Variants in AGAP1 observed in about 807,000 individuals in gnomAD.
AGAP1 encodes the protein arf-GAP with GTPase, ANK repeat and PH domain-containing protein 1.
AGAP1 carries 29 observed loss-of-function variants against 105.3 expected under a neutral mutation model. That is an observed-to-expected ratio of 0.28 (90% CI 0.21 to 0.38). The LOEUF (loss-of-function observed/expected upper bound fraction) is 0.38, where lower values mean the gene tolerates loss of function less well. AGAP1 is among the 10% of genes least tolerant of loss of function. AGAP1 has a pLI of 1.00. For missense variants in AGAP1, 998 were observed against 1,165.1 expected, an observed-to-expected ratio of 0.86 and a Z score of 2.09; for synonymous variants, 509 against 485.9, an observed-to-expected ratio of 1.05 and a Z score of -0.63.
At position 235,864,091 on chromosome 2, in the gene AGAP1, G is replaced by A. The variant is rs535544571; in HGVS notation, c.1051-19254G>A. ...ATAGATCTGACTTGAATGCGCAAGC[G>A]GGCCGTTCCCACGTGATTTAATAAA... is the stretch of plus-strand genomic sequence containing the variant. On this transcript the variant is annotated intron_variant, in intron 9 of 17. Coordinates refer to ENST00000304032, the MANE Select transcript of AGAP1 (RefSeq NM_001037131.3). This position sits in a 1 kb window ranked among gnomAD's most constrained non-coding sequence, Gnocchi z 5.0. Among the ~76,000 whole-genome samples, 25 of 152,300 alleles carry A rather than the reference G, an allele frequency of 1.6e-4. No individual in the cohort carries two copies. The highest frequency in any genetic ancestry group is 3.6e-4 in the African/African-American group (15 of 41,566).
Position 235,613,008 on chromosome 2 carries a change from A to C in AGAP1, c.164-96171A>C, listed in dbSNP as rs142951901. On this transcript the variant is annotated intron_variant, in intron 1 of 17. Coordinates refer to ENST00000304032, the MANE Select transcript of AGAP1 (RefSeq NM_001037131.3). ...AATACGTATAGATTGTAACAAGAGA[A>C]TTTTGCATTTCAGTTTTGTTTTTTT... Among the ~76,000 whole-genome samples the C allele has an allele frequency of 2.3e-3, 340 of 149,810 alleles. 1 individual carries two copies. Among genetic ancestry groups the C allele is most frequent in the South Asian group, 4.2e-3 (20 of 4,722 alleles).
At chr2:235,563,729 G>A (rs1944245718) in intron 1 of AGAP1, among the ~76,000 whole-genome samples, 1 of 152,174 alleles carries the variant, frequency 6.6e-6, no homozygotes, top group Non-Finnish European at 1.5e-5. Context: ...TTGGGAAGGG[G>A]CCTCTGCATG....
Position 235,880,276 on chromosome 2 carries a change from G to A in AGAP1, c.1051-3069G>A, listed in dbSNP as rs569410639. On this transcript the variant is annotated intron_variant, in intron 9 of 17. Coordinates refer to ENST00000304032, the MANE Select transcript of AGAP1 (RefSeq NM_001037131.3). ...TTCCTCACGAAAGTACCTCCCACACGCCAGCCAGAAGAGTGGTGCAAATCC... is the reference window on the plus strand; with the variant it reads ...TTCCTCACGAAAGTACCTCCCACACACCAGCCAGAAGAGTGGTGCAAATCC... 2.0e-4 allele frequency among the ~76,000 whole-genome samples: 31 copies of A among 152,108 alleles called. 1 individual carries two copies. The South Asian group carries it at 3.3e-3, about 16-fold the overall frequency.
At chr2:235,731,916 C>T (rs1425812002) in intron 3 of AGAP1, among the ~76,000 whole-genome samples, 1 of 152,156 alleles carries the variant, frequency 6.6e-6, no homozygotes, top group Non-Finnish European at 1.5e-5. Context: ...GCCAACAACA[C>T]CCCATCACTT....
chr2:235,744,564 C>A lies in AGAP1; in HGVS notation c.397-134C>A. On this transcript the variant is annotated intron_variant, in intron 4 of 17. Coordinates refer to ENST00000304032, the MANE Select transcript of AGAP1 (RefSeq NM_001037131.3). This position sits in a 1 kb window ranked among gnomAD's most constrained non-coding sequence, Gnocchi z 5.2. ...CGTGACAGTGTGTAAAAGTGACAGT[C>A]AAAAGTCAAGCACCCAGTGTGTGAC... The A allele has an allele frequency of 9.2e-7, 1 of 1,088,564 alleles. No homozygotes were observed. Among genetic ancestry groups the A allele is most frequent in the South Asian group, 1.5e-5 (1 of 68,142 alleles). The allele number at this position is 1,088,564 out of a possible 1,614,324, so 67.4% of individuals were successfully genotyped here. A position where few individuals can be genotyped will look rare whatever the true frequency, so the allele number is the denominator to read the frequency against.
intron 1 of AGAP1, among the ~76,000 whole-genome samples, chr2:235,607,109 T>C (rs1385927991): frequency 6.6e-6 from 1 of 152,190 alleles, no homozygotes; most frequent in Non-Finnish European, 1.5e-5. Flanking sequence ...CAGGGTCAGC[T>C]GGGTAAGGGA....
chr2:236,029,359 TCCG>T (rs2057154394), intron 13 of AGAP1, among the ~76,000 whole-genome samples: 1 of 151,686 alleles, frequency 6.6e-6, no homozygotes. Flanking sequence ...CACTGCAACC[TCCG>T]CCTCCCAGGT....
Position 235,875,850 on chromosome 2 carries a change from G to A in AGAP1, c.1051-7495G>A, listed in dbSNP as rs557775522. Among the ~76,000 whole-genome samples the A allele has an allele frequency of 6.6e-6, 1 of 152,268 alleles. No homozygotes were observed. Among genetic ancestry groups the A allele is most frequent in the Admixed American group, 6.5e-5 (1 of 15,304 alleles). On this transcript the variant is annotated intron_variant, in intron 9 of 17. Transcript: ENST00000304032. This position sits in a 1 kb window ranked among gnomAD's most constrained non-coding sequence, Gnocchi z 4.0. ...TCCAAAATACATTATAATTGCACTA[G>A]GGACTTCTAAATTTTTATTCAATGG...
rs1265276421 is a variant in AGAP1 at position 235,830,092 on chromosome 2, G to A, written c.1050+22761G>A. ...GCTTTGGCGGCTGGCTGATGGAGTC[G>A]TTCTCATTTGTGAAGACACTGTCCA... On this transcript the variant is annotated intron_variant, in intron 9 of 17. Coordinates refer to ENST00000304032, the MANE Select transcript of AGAP1 (RefSeq NM_001037131.3). This position sits in a 1 kb window ranked among gnomAD's most constrained non-coding sequence, Gnocchi z 5.5. 2.6e-5 allele frequency among the ~76,000 whole-genome samples: 4 copies of A among 152,148 alleles called. No individual in the cohort carries two copies. The highest frequency in any genetic ancestry group is 4.4e-5 in the Non-Finnish European group (3 of 68,012).
intron 5 of AGAP1, among the ~76,000 whole-genome samples, chr2:235,748,442 C>G (rs1953148841): frequency 2.0e-5 from 3 of 152,070 alleles, no homozygotes; most frequent in Non-Finnish European, 4.4e-5. Context: ...ACTTTCTTTT[C>G]TTAAATGTTG....
Position 235,911,180 on chromosome 2 carries a change from T to C in AGAP1, c.1324+2274T>C, listed in dbSNP as rs78834223. Among the ~76,000 whole-genome samples, 34 of 152,338 alleles carry C rather than the reference T, an allele frequency of 2.2e-4. No individual in the cohort carries two copies. The East Asian group carries it at 6.4e-3, about 29-fold the overall frequency. ...GGTGTTTTGAATTATGTATACATTG[T>C]GGAATGGCTAAATCATGCCATTTGT... is the stretch of plus-strand genomic sequence containing the variant. On this transcript the variant is annotated intron_variant, in intron 11 of 17. Transcript: ENST00000304032.
chr2:235,852,322 T>C (rs1451168532), intron 9 of AGAP1, among the ~76,000 whole-genome samples: 6 of 152,182 alleles, frequency 3.9e-5, no homozygotes, highest in African/African-American at 1.4e-4. Flanking sequence ...TGTCTGCGTC[T>C]GCGTTTGCTT....
chr2:235,926,428 C>T (rs905496438), intron 11 of AGAP1, among the ~76,000 whole-genome samples: 13 of 152,136 alleles, frequency 8.5e-5, no homozygotes, highest in Non-Finnish European at 1.2e-4. Flanking sequence ...TCCACAGTGT[C>T]GTGGCTCAGG....
rs1048125878 is a variant in AGAP1, at chr2:235,993,664, C to A, written c.1645+25041C>A. Among the ~76,000 whole-genome samples the A allele has an allele frequency of 6.6e-6, 1 of 152,170 alleles. No homozygotes were observed. The highest frequency in any genetic ancestry group is 1.5e-5 in the Non-Finnish European group (1 of 68,032). ...GCCTGTGTCCCTGTTGGAGTTTTTG[C>A]TGCCCAATACCAAATTAAGGGCTCT... On this transcript the variant is annotated intron_variant, in intron 13 of 17. Transcript: ENST00000304032. The surrounding 1 kb of genome is among the most constrained non-coding windows in gnomAD (Gnocchi z 5.0).
intron 1 of AGAP1, among the ~76,000 whole-genome samples, chr2:235,554,453 A>G (rs1261749626): frequency 6.6e-6 from 1 of 152,208 alleles, no homozygotes; most frequent in Non-Finnish European, 1.5e-5. Context: ...ACGCCAGGCC[A>G]TGCTGCTGTG....
chr2:236,077,934 G>C (rs1028349144), intron 16 of AGAP1, among the ~76,000 whole-genome samples: 5 of 152,018 alleles, frequency 3.3e-5, no homozygotes, highest in African/African-American at 1.2e-4. Context: ...GTCTCCCCTG[G>C]GTCACTGCCA....
At position 235,905,527 on chromosome 2, in the gene AGAP1, T is replaced by G. The variant is rs1190871104; in HGVS notation, c.1156-3211T>G. On this transcript the variant is annotated intron_variant, in intron 10 of 17. Transcript: ENST00000304032. This position sits in a 1 kb window ranked among gnomAD's most constrained non-coding sequence, Gnocchi z 4.2. ...TTTTCTTTTCTTTTTGAGACAGAGT[T>G]TCCCTCTTGTCGCTTAGGCTGGAGT... Among the ~76,000 whole-genome samples, 1 of 152,190 alleles carries G rather than the reference T, an allele frequency of 6.6e-6. No individual in the cohort carries two copies. Among genetic ancestry groups the G allele is most frequent in the Non-Finnish European group, 1.5e-5 (1 of 68,036 alleles).
chr2:235,738,551 CT>C (rs1952384459), intron 3 of AGAP1, among the ~76,000 whole-genome samples: 1 of 151,040 alleles, frequency 6.6e-6, no homozygotes, highest in African/African-American at 2.4e-5. Context: ...ATTTTTCTTT[CT>C]TTCTTTCTTT....
chr2:235,753,312 G>A lies in AGAP1; in HGVS notation c.673+2824G>A, dbSNP rs750072422. On this transcript the variant is annotated intron_variant, in intron 6 of 17. Coordinates refer to ENST00000304032, the MANE Select transcript of AGAP1 (RefSeq NM_001037131.3). The surrounding 1 kb of genome is among the most constrained non-coding windows in gnomAD (Gnocchi z 4.5). ...TTCCGTTACTGTGACAGCTCATGTC[G>A]CACCTCCCCAGGTGATGCTGTGATG... is the stretch of plus-strand genomic sequence containing the variant. Among the ~76,000 whole-genome samples, 15 of 152,284 alleles carry A rather than the reference G, an allele frequency of 9.9e-5. 1 individual carries two copies. The highest frequency in any genetic ancestry group is 1.6e-4 in the Non-Finnish European group (11 of 68,018).
Sources: gnomAD v4.1 joint callset for allele counts (sites outside exome capture counted in the v4.1 genomes callset) on GRCh38, gnomAD v4.1.1 for gene constraint, Gnocchi (gnomAD v3.1) non-coding constraint, MANE v1.5 for transcripts, NCBI Gene and HGNC (gene_info 2026-07-23, HGNC 2026-07-21) for gene names.